The following MTCH1 variants were observed in gnomAD, a reference collection of about 807,000 sequenced individuals.
The protein encoded by MTCH1 is mitochondrial carrier homolog 1.
MTCH1 carries 23 observed loss-of-function variants against 49.3 expected under a neutral mutation model. The observed-to-expected ratio is 0.47, with a 90% confidence interval of 0.34 to 0.66. MTCH1 has a LOEUF of 0.66. Ranked by LOEUF, MTCH1 falls within the 30% of genes least tolerant of loss-of-function variation. The pLI is 0.01. For synonymous variants in MTCH1, 229 were observed against 215.2 expected (o/e 1.06, Z -0.56); for missense variants, 397 against 532.1 (o/e 0.75, Z 2.50).
Position 36,977,315 on chromosome 6 carries a change from A to G in MTCH1, c.650-65T>C. On this transcript the variant is annotated intron_variant, in intron 5 of 11. Transcript: ENST00000373627. This position sits in a 1 kb window ranked among gnomAD's most constrained non-coding sequence, Gnocchi z 5.4. The stretch of plus-strand genomic sequence containing the variant: ...GGCCACACTTCATAATGCTCCAGCC[A>G]CCGGGTGCCAGGTGCAGAGTGGCCA... The G allele has an allele frequency of 6.4e-7, 1 of 1,574,572 alleles. No homozygotes were observed. Among genetic ancestry groups the G allele is most frequent in the Non-Finnish European group, 8.7e-7 (1 of 1,148,206 alleles).
chr6:36,982,546 C>G lies in MTCH1; in HGVS notation c.322-874G>C, dbSNP rs538940143. 1.3e-5 allele frequency among the ~76,000 whole-genome samples: 2 copies of G among 152,104 alleles called. No individual in the cohort carries two copies. Among genetic ancestry groups the G allele is most frequent in the Non-Finnish European group, 2.9e-5 (2 of 68,022 alleles). On this transcript the variant is annotated intron_variant, in intron 1 of 11. Transcript: ENST00000373627. This position sits in a 1 kb window ranked among gnomAD's most constrained non-coding sequence, Gnocchi z 4.1. The stretch of plus-strand genomic sequence containing the variant: ...GGGAATACAAGCACCCGCCACCATA[C>G]CCGGCAAATTTTTTGTATTTTTAGT...
Position 36,972,744 on chromosome 6 carries a change from G to A in MTCH1, c.814C>T (p.Leu272=), listed in dbSNP as rs1468028451. The A allele has an allele frequency of 6.4e-7, 1 of 1,553,722 alleles. No homozygotes were observed. Among genetic ancestry groups the A allele is most frequent in the African/African-American group, 1.4e-5 (1 of 73,298 alleles). ...TAGGCATTGATGAAGTGGGCCAGCA[G>A]GTTACAGCCCCACAAGAAAACCACA... is the stretch of plus-strand genomic sequence containing the variant. The part of the protein sequence containing the change: ...GDVVFLWGCN[L]LAHFINAYLV... Residue 272 remains leucine, a synonymous_variant, in exon 8 of 12, where the codon CTG becomes TTG. Coordinates refer to ENST00000373627, the MANE Select transcript of MTCH1 (RefSeq NM_001271641.2). The surrounding 1 kb of genome is among the most constrained non-coding windows in gnomAD (Gnocchi z 4.1).
intron 2 of MTCH1, among the ~76,000 whole-genome samples, chr6:36,981,026 C>T (rs546402723): frequency 6.6e-6 from 1 of 152,272 alleles, no homozygotes; most frequent in Admixed American, 6.5e-5. Flanking sequence ...AGGTAAGTGG[C>T]CCACCCAAAC....
intron 11 of MTCH1, chr6:36,969,200 G>T (rs1425523526): frequency 1.0e-6 from 1 of 985,266 alleles, no homozygotes; most frequent in Non-Finnish European, 1.2e-6. Context: ...CTCTGTAGGA[G>T]AGCCCTAGAG....
Position 36,978,585 on chromosome 6 carries a change from T to C in MTCH1, c.433A>G (p.Lys145Glu). 1.2e-6 allele frequency: 2 copies of C among 1,614,118 alleles called. No individual in the cohort carries two copies. The highest frequency in any genetic ancestry group is 1.7e-6 in the Non-Finnish European group (2 of 1,179,982). Residue 145 changes from lysine to glutamate, a missense_variant, in exon 3 of 12, where the codon AAG (lysine) becomes GAG (glutamate). Coordinates refer to ENST00000373627, the MANE Select transcript of MTCH1 (RefSeq NM_001271641.2). ...CTCAGGCCTCGGAACAGCCCTATCTTACCATCCACTTGCACGATGTACTTG... is the reference window on the plus strand; with the variant it reads ...CTCAGGCCTCGGAACAGCCCTATCTCACCATCCACTTGCACGATGTACTTG... ...YAKYIVQVDG[K>E]IGLFRGLSPR...
Position 36,968,493 on chromosome 6 carries a change from A to G in MTCH1, c.*410T>C. The G allele has an allele frequency of 2.8e-6, 1 of 358,034 alleles. No individual in the cohort carries two copies. The highest frequency in any genetic ancestry group is 7.4e-5 in the East Asian group (1 of 13,590). 22.2% of individuals were successfully genotyped at this position (358,034 alleles called of 1,614,324 possible). ...CACACCCTATGTACAAAGCAGGAGA[A>G]TGATGCTCCCAGCTGAGCTGCAGGA... is the stretch of plus-strand genomic sequence containing the variant. On this transcript the variant is annotated 3_prime_UTR_variant, in exon 12 of 12. Transcript: ENST00000373627.
intron 1 of MTCH1, among the ~76,000 whole-genome samples, chr6:36,985,355 G>A (rs1421785855): frequency 6.6e-6 from 1 of 150,978 alleles, no homozygotes; most frequent in East Asian, 2.0e-4. Flanking sequence ...CAAATCCAGA[G>A]CCTCCGTTCC....
At position 36,974,992 on chromosome 6, in the gene MTCH1, T is replaced by C. The variant is rs1763817137; in HGVS notation, c.761+666A>G. Among the ~76,000 whole-genome samples, 4 of 152,210 alleles carry C rather than the reference T, an allele frequency of 2.6e-5. No individual in the cohort carries two copies. In the South Asian group the frequency reaches 8.3e-4, roughly 31 times the overall value. On this transcript the variant is annotated intron_variant, in intron 7 of 11. Transcript: ENST00000373627. ...CACCTTATTCTTTCTGAACTTAGTC[T>C]TTTCAGTATGTGCTTTCTTTAGAGG...
Position 36,972,686 on chromosome 6 carries a change from C to A in MTCH1, c.872G>T (p.Gly291Val), listed in dbSNP as rs776741124. The part of the protein sequence containing the change: ...LVDDSVSDTP[G>V]GLGNDQNPGS... Reference sequence around the variant, plus strand: ...TGGATTCTGGTCGTTTCCCAGCCCCCCTGGGGTGTCACTCACGCTGTCATC... The same window carrying A: ...TGGATTCTGGTCGTTTCCCAGCCCCACTGGGGTGTCACTCACGCTGTCATC... Residue 291 changes from glycine (G) to valine (V), a missense_variant, in exon 8 of 12, where the codon GGG (glycine) becomes GTG (valine). By Grantham distance (109) the Gly-to-Val change is moderately radical (BLOSUM62 -3). This residue lies in a region of MTCH1 where 252 missense variants were observed against 388.3 expected (regional missense o/e 0.65). Coordinates refer to ENST00000373627, the MANE Select transcript of MTCH1 (RefSeq NM_001271641.2). This position sits in a 1 kb window ranked among gnomAD's most constrained non-coding sequence, Gnocchi z 4.1. The A allele has an allele frequency of 3.9e-6, 6 of 1,551,736 alleles. No individual in the cohort carries two copies. Among genetic ancestry groups the A allele is most frequent in the Admixed American group, 2.0e-5 (1 of 51,008 alleles).
At chr6:36,970,742 G>A in intron 8 of MTCH1, 48 bp from the exon 9 acceptor site, 1 of 1,579,870 alleles carries the variant, frequency 6.3e-7, no homozygotes, top group Non-Finnish European at 8.7e-7. Flanking sequence ...ACCTCAGGAT[G>A]CAGACTTCAG....
rs534421240 is a variant in MTCH1 at position 36,980,779 on chromosome 6, A to T, written c.406+809T>A. On this transcript the variant is annotated intron_variant, in intron 2 of 11. Transcript: ENST00000373627. ...GGAACTCCAGCTGTGAACACGGAGA[A>T]AAAGGGCACATTTAAAGAAGGCCTT... is the stretch of plus-strand genomic sequence containing the variant. Among the ~76,000 whole-genome samples, 11 of 152,342 alleles carry T rather than the reference A, an allele frequency of 7.2e-5. No homozygotes were observed. In the South Asian group the frequency reaches 2.1e-3, roughly 29 times the overall value.
At chr6:36,981,759 G>T in intron 1 of MTCH1, 87 bp from the exon 2 acceptor site, 1 of 1,094,306 alleles carries the variant, frequency 9.1e-7, no homozygotes, top group Non-Finnish European at 1.3e-6. Flanking sequence ...TGCCCCCTTT[G>T]CTTAACTCTT....
At chr6:36,979,782 C>T (rs921907227) in intron 2 of MTCH1, among the ~76,000 whole-genome samples, 5 of 152,120 alleles carry the variant, frequency 3.3e-5, no homozygotes, top group Admixed American at 1.3e-4. Flanking sequence ...GCCTCAGGAC[C>T]TCTGTTTGTG....
At chr6:36,969,806 G>A in intron 11 of MTCH1, 2 of 1,470,272 alleles carry the variant, frequency 1.4e-6, no homozygotes, top group Non-Finnish European at 1.8e-6. Flanking sequence ...AAGAAGAAAA[G>A]GTCTTGTCTG....
intron 11 of MTCH1, chr6:36,969,227 C>CTCTTGCT: frequency 1.0e-6 from 1 of 985,428 alleles, no homozygotes; most frequent in Non-Finnish European, 1.2e-6. Flanking sequence ...CTCATTGCCC[C>CTCTTGCT]TCTTGCTTCA....
At position 36,972,995 on chromosome 6, in the gene MTCH1, T is replaced by A. The variant is rs150566709; in HGVS notation, c.762-199A>T. Among the ~76,000 whole-genome samples the A allele has an allele frequency of 2.6e-3, 399 of 152,248 alleles. 6 individuals are homozygous for A. Among genetic ancestry groups the A allele is most frequent in the African/African-American group, 8.7e-3 (360 of 41,530 alleles). On this transcript the variant is annotated intron_variant, in intron 7 of 11. Coordinates refer to ENST00000373627, the MANE Select transcript of MTCH1 (RefSeq NM_001271641.2). The surrounding 1 kb of genome is among the most constrained non-coding windows in gnomAD (Gnocchi z 4.1). ...GTGCTCCTTTTCCCATGGGGAGGTG[T>A]TCTATGCCGCTTTGGATGCCATAAA...
In MTCH1 at chr6:36,975,642, G is replaced by A. The variant is rs749072289; in HGVS notation, c.761+16C>T. The A allele has an allele frequency of 2.5e-5, 41 of 1,613,332 alleles. No individual in the cohort carries two copies. Among genetic ancestry groups the A allele is most frequent in the Non-Finnish European group, 3.5e-5 (41 of 1,179,400 alleles). On this transcript the variant is annotated intron_variant, in intron 7 of 11. Coordinates refer to ENST00000373627, the MANE Select transcript of MTCH1 (RefSeq NM_001271641.2). ...CCATGCCCGTGGCCAGTTATGGGGTGTATAAACTCACGTACACGAAGAATC... is the reference window on the plus strand; with the variant it reads ...CCATGCCCGTGGCCAGTTATGGGGTATATAAACTCACGTACACGAAGAATC...
chr6:36,971,366 G>A (rs1400167939), intron 8 of MTCH1, among the ~76,000 whole-genome samples: 2 of 152,178 alleles, frequency 1.3e-5, no homozygotes, highest in African/African-American at 4.8e-5. Flanking sequence ...TCTGTTGACT[G>A]CTGTTGTTGC....
Position 36,982,186 on chromosome 6 carries a change from C to A in MTCH1, c.322-514G>T, listed in dbSNP as rs908038798. Among the ~76,000 whole-genome samples, 8 of 152,040 alleles carry A rather than the reference C, an allele frequency of 5.3e-5. No homozygotes were observed. Among genetic ancestry groups the A allele is most frequent in the African/African-American group, 1.7e-4 (7 of 41,398 alleles). On this transcript the variant is annotated intron_variant, in intron 1 of 11. Transcript: ENST00000373627. This position sits in a 1 kb window ranked among gnomAD's most constrained non-coding sequence, Gnocchi z 4.1. ...TTTCTTACCAAATCTACTGCAGACA[C>A]CTCCATGTCTATTCCTCCCATTCCC...
Sources: gnomAD v4.1 joint callset for allele counts (sites outside exome capture counted in the v4.1 genomes callset) on GRCh38, gnomAD v4.1.1 for gene constraint, gnomAD v4.1.1 regional missense constraint, Gnocchi (gnomAD v3.1) non-coding constraint, MANE v1.5 for transcripts, NCBI Gene and HGNC (gene_info 2026-07-23, HGNC 2026-07-21) for gene names.